The following MKLN1 variants were observed in gnomAD, a reference collection of about 807,000 sequenced individuals.
MKLN1 encodes the protein muskelin 1.
MKLN1 carries 18 observed loss-of-function variants against 99.0 expected under a neutral mutation model. The ratio of observed to expected loss-of-function variants is 0.18; its 90% CI spans 0.13 to 0.27. MKLN1 has a LOEUF of 0.27. MKLN1 is among the 10% of genes least tolerant of loss of function. The pLI is 1.00. For missense variants in MKLN1, 621 were observed against 875.9 expected (o/e 0.71, Z 3.67); for synonymous variants, 288 against 293.2 (o/e 0.98, Z 0.18).
chr7:131,265,855 T>C (rs906891914), intron 3 of MKLN1, among the ~76,000 whole-genome samples: 2 of 152,168 alleles, frequency 1.3e-5, no homozygotes, highest in Non-Finnish European at 2.9e-5. Context: ...GGGGAGGTCA[T>C]GCAGCACCAA....
intron 3 of MKLN1, among the ~76,000 whole-genome samples, chr7:131,206,195 A>T (rs557068457): frequency 6.6e-6 from 1 of 152,238 alleles, no homozygotes; most frequent in African/African-American, 2.4e-5. Flanking sequence ...TCAAAAAACT[A>T]TTTTTTTAAA....
chr7:131,143,691 G>C (rs1795774249), intron 2 of MKLN1, among the ~76,000 whole-genome samples: 1 of 151,888 alleles, frequency 6.6e-6, no homozygotes, highest in Non-Finnish European at 1.5e-5. Context: ...TAGGACTACA[G>C]GTGGCATGTG....
At chr7:131,465,523 A>T (rs553841594) in intron 14 of MKLN1, among the ~76,000 whole-genome samples, 1 of 152,298 alleles carries the variant, frequency 6.6e-6, no homozygotes, top group South Asian at 2.1e-4. Flanking sequence ...TTTCAGTTAA[A>T]GCAAAATTAA....
At chr7:131,315,674 C>CA (rs935178023) in intron 3 of MKLN1, among the ~76,000 whole-genome samples, 20 of 152,296 alleles carry the variant, frequency 1.3e-4, no homozygotes, top group African/African-American at 3.6e-4. Flanking sequence ...GCCAGCACAC[C>CA]AGTCTGAAGT....
At chr7:131,128,205 C>CAAAAAAAAA in intron 1 of MKLN1, among the ~76,000 whole-genome samples, 1 of 85,318 alleles carries the variant, frequency 1.2e-5, no homozygotes, top group Non-Finnish European at 2.5e-5. Flanking sequence ...GCCTCTGATT[C>CAAAAAAAAA]AAAAAAAAAA....
intron 17 of MKLN1, among the ~76,000 whole-genome samples, chr7:131,480,915 C>T (rs1299955433): frequency 1.3e-5 from 2 of 152,214 alleles, no homozygotes; most frequent in East Asian, 3.8e-4. Context: ...AATTTCTTGG[C>T]AGCAATTTAA....
chr7:131,115,085 A>G (rs1795254467), intron 1 of MKLN1, among the ~76,000 whole-genome samples: 1 of 152,222 alleles, frequency 6.6e-6, no homozygotes, highest in Admixed American at 6.5e-5. Context: ...GGATAAGAGT[A>G]GAGGATGCAG....
intron 3 of MKLN1, among the ~76,000 whole-genome samples, chr7:131,216,647 A>G (rs971919774): frequency 6.6e-6 from 1 of 152,188 alleles, no homozygotes; most frequent in African/African-American, 2.4e-5. Context: ...TCATGCAGTA[A>G]TTATCACCAA....
At position 131,470,874 on chromosome 7, in the gene MKLN1, G is replaced by A. The variant is rs769412807; in HGVS notation, c.1961G>A (p.Ser654Asn). 3.7e-6 allele frequency: 6 copies of A among 1,612,942 alleles called. No individual in the cohort carries two copies. The highest frequency in any genetic ancestry group is 5.1e-6 in the Non-Finnish European group (6 of 1,179,072). The change falls in exon 16 of 18, where the codon AGT becomes AAT. Residue 654 changes from serine (S) to asparagine (N), a missense_variant. Ser to Asn is a conservative substitution (Grantham distance 46). Transcript: ENST00000352689. ...GAAAAGGCCCAAGTGGATCCCCTTA[G>A]TGCTCTGAAATATTTACAAAATGAT... ...FEEKAQVDPL[S>N]ALKYLQNDLY...
At chr7:131,422,040 C>T (rs1795209404) in intron 8 of MKLN1, among the ~76,000 whole-genome samples, 1 of 152,054 alleles carries the variant, frequency 6.6e-6, no homozygotes, top group African/African-American at 2.4e-5. Context: ...TTTGAACAAC[C>T]AGGAAATTCC....
At chr7:131,473,665 T>C (rs765142091) in intron 16 of MKLN1, among the ~76,000 whole-genome samples, 2 of 152,204 alleles carry the variant, frequency 1.3e-5, no homozygotes, top group African/African-American at 4.8e-5. Flanking sequence ...ATTACACTTC[T>C]GCGGAGTTTC....
chr7:131,321,803 C>G (rs955510249), intron 3 of MKLN1, among the ~76,000 whole-genome samples: 4 of 152,172 alleles, frequency 2.6e-5, no homozygotes, highest in African/African-American at 9.7e-5. Flanking sequence ...ACACAGTCCT[C>G]ACAAGATCAA....
chr7:131,477,538 A>G (rs1178719997), intron 16 of MKLN1, among the ~76,000 whole-genome samples: 2 of 152,200 alleles, frequency 1.3e-5, no homozygotes, highest in Non-Finnish European at 2.9e-5. Context: ...GCCACATACT[A>G]AACAATCTTT....
At chr7:131,153,633 G>A (rs1563232965) in intron 2 of MKLN1, among the ~76,000 whole-genome samples, 2 of 149,528 alleles carry the variant, frequency 1.3e-5, no homozygotes, top group Admixed American at 6.7e-5. Flanking sequence ...TGGAGTCTGT[G>A]TAGCTACAAA....
At chr7:131,251,382 T>C (rs1173256457) in intron 3 of MKLN1, among the ~76,000 whole-genome samples, 1 of 152,124 alleles carries the variant, frequency 6.6e-6, no homozygotes, top group Non-Finnish European at 1.5e-5. Flanking sequence ...CTTTGGCCGG[T>C]TGCTCTCAAT....
chr7:131,419,424 G>A (rs1199349882), intron 8 of MKLN1, among the ~76,000 whole-genome samples: 1 of 151,418 alleles, frequency 6.6e-6, no homozygotes, highest in Non-Finnish European at 1.5e-5. Context: ...TGTATTTTTA[G>A]TAGGACATTG....
intron 1 of MKLN1, among the ~76,000 whole-genome samples, chr7:131,330,667 C>G (rs1269705851): frequency 6.6e-6 from 1 of 151,980 alleles, no homozygotes; most frequent in Non-Finnish European, 1.5e-5. Context: ...TAAAAGAGCT[C>G]TTGTATTAAA....
At chr7:131,333,146 AT>A (rs1435955871) in intron 1 of MKLN1, among the ~76,000 whole-genome samples, 3 of 152,198 alleles carry the variant, frequency 2.0e-5, no homozygotes, top group African/African-American at 7.2e-5. Context: ...CTGGTCTTGA[AT>A]TCCTGACCTC....
intron 3 of MKLN1, among the ~76,000 whole-genome samples, chr7:131,238,520 T>C (rs1422639993): frequency 2.0e-5 from 3 of 152,136 alleles, no homozygotes; most frequent in Non-Finnish European, 1.5e-5. Context: ...TGACCAGTAA[T>C]GTAGAATGCC....
Sources: allele counts gnomAD v4.1 joint callset (sites outside exome capture counted in the v4.1 genomes callset), GRCh38; gene constraint gnomAD v4.1.1; transcripts MANE v1.5; gene names NCBI Gene and HGNC (gene_info 2026-07-23, HGNC 2026-07-21).